DCAF11: variants seen among roughly 807,000 people sequenced by gnomAD.
DCAF11 encodes the protein DDB1 and CUL4 associated factor 11.
A neutral mutation model predicts 76.1 loss-of-function variants in DCAF11; 44 were observed. That is an observed-to-expected ratio of 0.58 (90% CI 0.45 to 0.74). The LOEUF (loss-of-function observed/expected upper bound fraction) is 0.74. Ranked by LOEUF, DCAF11 falls within the 30% of genes least tolerant of loss-of-function variation. The pLI is 0.00. For synonymous variants in DCAF11, 258 were observed against 255.0 expected, an observed-to-expected ratio of 1.01 and a Z score of -0.11; for missense variants, 604 against 709.4, an observed-to-expected ratio of 0.85 and a Z score of 1.69.
chr14:24,118,961 G>T, intron 8 of DCAF11, 157 bp downstream of exon 8: 1 of 1,129,184 alleles, frequency 8.9e-7, no homozygotes, highest in African/African-American at 1.5e-5. Flanking sequence ...GTCAGCCAGA[G>T]GACTGGGTAA....
At chr14:24,119,936 G>C (rs1171872251) in intron 11 of DCAF11, 40 bp downstream of exon 11, 1 of 1,550,472 alleles carries the variant, frequency 6.4e-7, no homozygotes. Flanking sequence ...GGCCGCTAAG[G>C]TTCTAGTTGC....
intron 11 of DCAF11, among the ~76,000 whole-genome samples, chr14:24,120,425 C>T (rs1374908715): frequency 2.6e-5 from 4 of 151,998 alleles, no homozygotes; most frequent in African/African-American, 4.8e-5. Context: ...GGTGTGGTGG[C>T]AGTCGCCTGT....
chr14:24,119,247 C>T, intron 9 of DCAF11, 34 bp downstream of exon 9: 1 of 1,612,360 alleles, frequency 6.2e-7, no homozygotes, highest in Non-Finnish European at 8.5e-7. Flanking sequence ...CCCTCAATAA[C>T]AAGATGGGGG....
At position 24,120,851 on chromosome 14, in the gene DCAF11, A is replaced by G. The variant is rs2037677959; in HGVS notation, c.1106A>G (p.Tyr369Cys). The G allele has an allele frequency of 1.2e-6, 2 of 1,614,100 alleles. No homozygotes were observed. Among genetic ancestry groups the G allele is most frequent in the Non-Finnish European group, 1.7e-6 (2 of 1,180,052 alleles). ...TFIDSKGDAR[Y>C]LISNSKDQTI... is the part of the protein sequence containing the mutation. The stretch of plus-strand genomic sequence containing the variant: ...TTGGATTCATAGGGTGATGCCCGGT[A>G]TCTGATCTCCAACTCTAAAGACCAG... Residue 369 changes from tyrosine (Y) to cysteine (C), a missense_variant, in exon 12 of 15, where the codon TAT becomes TGT. Physicochemically the swap from Tyr to Cys is radical, Grantham distance 194. Transcript: ENST00000446197.
Position 24,121,403 on chromosome 14 carries a change from A to G in DCAF11, c.1285A>G (p.Met429Val), listed in dbSNP as rs1468389390. The change falls in exon 13 of 15, where the codon ATG becomes GTG. Residue 429 changes from methionine (M) to valine (V), a missense_variant. Physicochemically the swap from Met to Val is conservative, Grantham distance 21. Coordinates refer to ENST00000446197, the MANE Select transcript of DCAF11 (RefSeq NM_025230.5). ...KLKLPGDSSL[M>V]TYRGHGVLHT... ...GAAGCTCCCAGGGGACAGCTCCTTGATGACCTACCGGGGCCACGGAGTGCT... is the reference window on the plus strand; with the variant it reads ...GAAGCTCCCAGGGGACAGCTCCTTGGTGACCTACCGGGGCCACGGAGTGCT... 6.2e-7 allele frequency: 1 copy of G among 1,614,166 alleles called. No individual in the cohort carries two copies. The highest frequency in any genetic ancestry group is 8.5e-7 in the Non-Finnish European group (1 of 1,180,020).
chr14:24,118,374 C>G lies in DCAF11; in HGVS notation c.578-14C>G. The G allele has an allele frequency of 2.5e-6, 4 of 1,613,550 alleles. No individual in the cohort carries two copies. Among genetic ancestry groups the G allele is most frequent in the Non-Finnish European group, 3.4e-6 (4 of 1,179,578 alleles). On this transcript the variant is annotated splice_polypyrimidine_tract_variant and intron_variant, in intron 6 of 14. Coordinates refer to ENST00000446197, the MANE Select transcript of DCAF11 (RefSeq NM_025230.5). ...AAACTGTCCCATAATTCTGCCTGAT[C>G]TTTACTTACACAGACCAGACAATCC...
At position 24,117,121 on chromosome 14, in the gene DCAF11, T is replaced by C. The variant is rs1377050935; in HGVS notation, c.283+77T>C. ...GTGATATTTTGAATGATAGGTTACA[T>C]TGAAAGAAGGTACGATAATTTAAGG... On this transcript the variant is annotated intron_variant, in intron 3 of 14. Transcript: ENST00000446197. This position sits in a 1 kb window ranked among gnomAD's most constrained non-coding sequence, Gnocchi z 4.3. 2.5e-6 allele frequency: 4 copies of C among 1,611,048 alleles called. No individual in the cohort carries two copies. Among genetic ancestry groups the C allele is most frequent in the Non-Finnish European group, 2.5e-6 (3 of 1,178,098 alleles).
chr14:24,123,047 C>A lies in DCAF11; in HGVS notation c.1476C>A (p.His492Gln). 6.2e-7 allele frequency: 1 copy of A among 1,614,146 alleles called. No homozygotes were observed. The highest frequency in any genetic ancestry group is 8.5e-7 in the Non-Finnish European group (1 of 1,180,042). The change falls in exon 14 of 15, where the codon CAC becomes CAA. Residue 492 changes from histidine to glutamine, a missense_variant. Transcript: ENST00000446197. Reference sequence around the variant, plus strand: ...CCTGTGTGCGTGACGTCAGTTGGCACCCCTTTGAAGAGAAGATTGTCAGCA... The same window carrying A: ...CCTGTGTGCGTGACGTCAGTTGGCAACCCTTTGAAGAGAAGATTGTCAGCA... ...HKACVRDVSWHPFEEKIVSSS... is the reference protein window; with the variant it reads ...HKACVRDVSWQPFEEKIVSSS...
intron 9 of DCAF11, 89 bp downstream of exon 9, chr14:24,119,302 G>A: frequency 2.6e-6 from 4 of 1,526,626 alleles, no homozygotes; most frequent in African/African-American, 1.4e-5. Context: ...GGCACTGGCA[G>A]CTGCAGAGAA....
rs1667380153 is a variant in DCAF11 at position 24,118,073 on chromosome 14, G to A, written c.495G>A (p.Leu165=). 3.1e-6 allele frequency: 5 copies of A among 1,612,232 alleles called. No homozygotes were observed. The highest frequency in any genetic ancestry group is 2.5e-6 in the Non-Finnish European group (3 of 1,179,374). ...RVISHFLPND[L]GFTDSYSQKA... ...TCCCTAGCTTCTTGCCCAATGATCT[G>A]GGCTTCACTGATAGCTACTCTCAGA... Residue 165 remains leucine, a synonymous_variant, in exon 6 of 15, where the codon CTG becomes CTA. Transcript: ENST00000446197.
At chr14:24,115,865 G>T (rs989658581) in intron 2 of DCAF11, 116 bp downstream of exon 2, 16 of 1,337,086 alleles carry the variant, frequency 1.2e-5, no homozygotes, top group Non-Finnish European at 1.6e-5. Flanking sequence ...CAGCTGTTCT[G>T]TTTGAGCTGA....
At chr14:24,120,700 A>G (rs2037674658) in intron 11 of DCAF11, 138 bp from the exon 12 acceptor site, 3 of 1,111,424 alleles carry the variant, frequency 2.7e-6, no homozygotes, top group Non-Finnish European at 3.8e-6. Context: ...AACGCTGGAA[A>G]TGAGTTCACC....
In DCAF11 at chr14:24,116,932, G is replaced by C; in HGVS notation, c.171G>C (p.Leu57Phe). ...CTCTCCACAGAGGCCAAGTGAGGTT[G>C]GTGCAGGGAGGAGGTGCAGCAAATT... Reference protein sequence around the residue: ...AYLLRRGQVRLVQGGGAANLQ... With the variant: ...AYLLRRGQVRFVQGGGAANLQ... The change falls in exon 3 of 15, where the codon TTG (leucine) becomes TTC (phenylalanine). Residue 57 changes from leucine (L) to phenylalanine (F), a missense_variant. Leu to Phe is a conservative substitution (Grantham distance 22). Transcript: ENST00000446197. 1 of 1,614,176 alleles carries C rather than the reference G, an allele frequency of 6.2e-7. No homozygotes were observed. Among genetic ancestry groups the C allele is most frequent in the Non-Finnish European group, 8.5e-7 (1 of 1,180,026 alleles).
intron 2 of DCAF11, among the ~76,000 whole-genome samples, chr14:24,116,309 T>TG (rs1273299421): frequency 1.3e-5 from 2 of 152,214 alleles, no homozygotes; most frequent in African/African-American, 4.8e-5. Flanking sequence ...AAGATGGGTT[T>TG]GGGGGTCCCT....
rs144795022 is a variant in DCAF11, at chr14:24,117,491, A to C, written c.411+98A>C. 2.4e-4 allele frequency: 385 copies of C among 1,574,136 alleles called. No homozygotes were observed. Among genetic ancestry groups the C allele is most frequent in the Middle Eastern group, 8.7e-4 (5 of 5,778 alleles). Reference sequence around the variant, plus strand: ...AAAGGAAGTCAACTTTCCAAAGTAGAAGCCTCAAGCGCTGGGGCTGGAGAG... The same window carrying C: ...AAAGGAAGTCAACTTTCCAAAGTAGCAGCCTCAAGCGCTGGGGCTGGAGAG... On this transcript the variant is annotated intron_variant, in intron 4 of 14. Coordinates refer to ENST00000446197, the MANE Select transcript of DCAF11 (RefSeq NM_025230.5). The surrounding 1 kb of genome is among the most constrained non-coding windows in gnomAD (Gnocchi z 4.3).
At chr14:24,122,928 T>G (rs755572414) in intron 13 of DCAF11, 43 bp from the exon 14 acceptor site, 80 of 1,572,904 alleles carry the variant, frequency 5.1e-5, no homozygotes, top group Admixed American at 3.2e-4. Flanking sequence ...ATAGTTTAGA[T>G]GTCTTGTGGT....
Position 24,115,440 on chromosome 14 carries a change from G to A in DCAF11, c.-155G>A, listed in dbSNP as rs2037527831. 1 of 1,074,406 alleles carries A rather than the reference G, an allele frequency of 9.3e-7. No homozygotes were observed. Among genetic ancestry groups the A allele is most frequent in the Non-Finnish European group, 1.3e-6 (1 of 770,080 alleles). The allele number at this position is 1,074,406 out of a possible 1,614,324, so 66.6% of individuals were successfully genotyped here. A position where few individuals can be genotyped will look rare whatever the true frequency, so the allele number is the denominator to read the frequency against. ...TAGTTGGCATAGGCTAAAGAAAAGG[G>A]ATCTCAGCCCCGAGGAAGGGTCACC... On this transcript the variant is annotated 5_prime_UTR_variant, in exon 2 of 15. Transcript: ENST00000446197.
At position 24,119,159 on chromosome 14, in the gene DCAF11, G is replaced by A. The variant is rs776938647; in HGVS notation, c.794G>A (p.Arg265His). Residue 265 changes from arginine to histidine, a missense_variant, in exon 9 of 15, where the codon CGC (arginine) becomes CAC (histidine). Arg to His is a conservative substitution (Grantham distance 29, BLOSUM62 0). Transcript: ENST00000446197. ...CTTGCTTTTAGGCCAGATGAGCGTC[G>A]CTTTGCTGTCTTCTCCATTGCTGTC... ...TALDLRPDERRFAVFSIAVSS... is the reference protein window; with the variant it reads ...TALDLRPDERHFAVFSIAVSS... 4 of 1,614,078 alleles carry A rather than the reference G, an allele frequency of 2.5e-6. No homozygotes were observed. Among genetic ancestry groups the A allele is most frequent in the African/African-American group, 2.7e-5 (2 of 74,928 alleles).
At chr14:24,120,381 C>T (rs1255892590) in intron 11 of DCAF11, among the ~76,000 whole-genome samples, 1 of 151,954 alleles carries the variant, frequency 6.6e-6, no homozygotes, top group African/African-American at 2.4e-5. Flanking sequence ...ATGGTGAAAC[C>T]CCGTCTCTAC....
Sources: gnomAD v4.1 joint callset for allele counts (sites outside exome capture counted in the v4.1 genomes callset) on GRCh38, gnomAD v4.1.1 for gene constraint, Gnocchi (gnomAD v3.1) non-coding constraint, MANE v1.5 for transcripts, NCBI Gene and HGNC (gene_info 2026-07-23, HGNC 2026-07-21) for gene names.